The following OPRM1 variants were observed in gnomAD, a reference collection of about 807,000 sequenced individuals.
OPRM1 encodes opioid receptor mu 1.
A neutral mutation model predicts 31.8 loss-of-function variants in OPRM1; 27 were observed. The observed-to-expected ratio is 0.85, with a 90% CI of 0.63 to 1.17. The LOEUF is 1.17. OPRM1 is among the 50% of genes most tolerant of loss of function. The pLI, the probability that OPRM1 is intolerant of heterozygous loss-of-function variation, is 0.00. For missense variants in OPRM1, 536 were observed against 511.1 expected, an observed-to-expected ratio of 1.05 and a Z score of -0.47; for synonymous variants, 196 against 189.9, an observed-to-expected ratio of 1.03 and a Z score of -0.26.
chr6:154,046,292 A>G (rs1781099064), intron 1 of OPRM1, among the ~76,000 whole-genome samples: 1 of 152,116 alleles, frequency 6.6e-6, no homozygotes, highest in Non-Finnish European at 1.5e-5. Flanking sequence ...TTTTTTGGGT[A>G]GGTTTGGCTG....
Position 154,126,828 on chromosome 6 carries a change from C to G in OPRM1, c.*8107C>G, listed in dbSNP as rs1345494652. ...CTTACTTTCCCCAAATAAAAAAGTG[C>G]CTGCTGGGCGCGGTGGCTCACGCCT... On this transcript the variant is annotated 3_prime_UTR_variant, in exon 4 of 4. Coordinates refer to ENST00000330432, the MANE Select transcript of OPRM1 (RefSeq NM_000914.5). 6.6e-6 allele frequency among the ~76,000 whole-genome samples: 1 copy of G among 152,098 alleles called. No individual in the cohort carries two copies. Among genetic ancestry groups the G allele is most frequent in the African/African-American group, 2.4e-5 (1 of 41,424 alleles).
chr6:154,160,707 A>C (rs1376010566), intron 3 of OPRM1, among the ~76,000 whole-genome samples: 2 of 152,192 alleles, frequency 1.3e-5, no homozygotes, highest in African/African-American at 4.8e-5. Context: ...TTCTATAGAC[A>C]AGGAATGGAG....
In OPRM1 at chr6:154,039,502, C is replaced by A; in HGVS notation, c.-43C>A. 6.3e-7 allele frequency: 1 copy of A among 1,577,688 alleles called. No homozygotes were observed. The highest frequency in any genetic ancestry group is 8.6e-7 in the Non-Finnish European group (1 of 1,161,520). On this transcript the variant is annotated 5_prime_UTR_variant, in exon 1 of 4. Transcript: ENST00000330432. Reference sequence around the variant, plus strand: ...TTGGAACCCGAAAAGTCTCGGTGCTCCTGGCTACCTCGCACAGCGGTGCCC... The same window carrying A: ...TTGGAACCCGAAAAGTCTCGGTGCTACTGGCTACCTCGCACAGCGGTGCCC...
At chr6:154,191,977 A>C (rs1408612862) in intron 3 of OPRM1, among the ~76,000 whole-genome samples, 2 of 152,186 alleles carry the variant, frequency 1.3e-5, no homozygotes, top group African/African-American at 2.4e-5. Context: ...CTGAAAAAAA[A>C]AGTGTTCACC....
rs896799048 is a variant in OPRM1, at chr6:154,127,173, G to A, written c.*8452G>A. 1.3e-5 allele frequency among the ~76,000 whole-genome samples: 2 copies of A among 150,808 alleles called. No individual in the cohort carries two copies. The highest frequency in any genetic ancestry group is 1.3e-4 in the Admixed American group (2 of 15,174). On this transcript the variant is annotated 3_prime_UTR_variant, in exon 4 of 4. Transcript: ENST00000330432. Reference sequence around the variant, plus strand: ...AGTTTCCTTCACACAACACAGCCTTGAGATGCAGTATTAAATTCTACACTT... The same window carrying A: ...AGTTTCCTTCACACAACACAGCCTTAAGATGCAGTATTAAATTCTACACTT...
At chr6:154,150,755 C>A (rs1420876177) in intron 3 of OPRM1, among the ~76,000 whole-genome samples, 2 of 152,240 alleles carry the variant, frequency 1.3e-5, no homozygotes, top group African/African-American at 2.4e-5. Flanking sequence ...TGAAGACTGG[C>A]CAAGGCCAAG....
At chr6:154,102,762 C>T (rs571598386) in intron 3 of OPRM1, among the ~76,000 whole-genome samples, 1 of 152,010 alleles carries the variant, frequency 6.6e-6, no homozygotes, top group South Asian at 2.1e-4. Context: ...TAATTTTGTT[C>T]AATAGCTGGA....
At chr6:154,229,733 A>G (rs754134360) in intron 3 of OPRM1, among the ~76,000 whole-genome samples, 1 of 152,232 alleles carries the variant, frequency 6.6e-6, no homozygotes, top group Non-Finnish European at 1.5e-5. Context: ...TCTACCCAAG[A>G]GGAATGGATG....
intron 3 of OPRM1, among the ~76,000 whole-genome samples, chr6:154,232,846 A>G (rs533358879): frequency 6.6e-6 from 1 of 152,336 alleles, no homozygotes; most frequent in South Asian, 2.1e-4. Context: ...AATTTGTTAA[A>G]GCTATAAAGA....
intron 3 of OPRM1, among the ~76,000 whole-genome samples, chr6:154,109,814 G>C (rs1252064316): frequency 2.0e-5 from 3 of 151,502 alleles, no homozygotes; most frequent in East Asian, 3.9e-4. Context: ...GTGTGTGTGT[G>C]TGTGTGTGTG....
At chr6:154,083,899 G>A (rs1360448656) in intron 1 of OPRM1, among the ~76,000 whole-genome samples, 12 of 141,046 alleles carry the variant, frequency 8.5e-5, no homozygotes, top group Non-Finnish European at 1.6e-4. Flanking sequence ...AGCCGAGATC[G>A]CGCCACTGCA....
At chr6:154,173,422 A>G (rs760718865) in intron 3 of OPRM1, among the ~76,000 whole-genome samples, 1 of 150,036 alleles carries the variant, frequency 6.7e-6, no homozygotes, top group African/African-American at 2.5e-5. Flanking sequence ...AAAAACCTTG[A>G]AAAAAAGATT....
chr6:154,031,984 A>G (rs1362789540), intron 1 of OPRM1, among the ~76,000 whole-genome samples: 1 of 152,182 alleles, frequency 6.6e-6, no homozygotes, highest in Non-Finnish European at 1.5e-5. Flanking sequence ...GGAGCCAACA[A>G]GCATGATCAG....
intron 3 of OPRM1, among the ~76,000 whole-genome samples, chr6:154,201,939 G>T (rs1777104402): frequency 6.6e-6 from 1 of 152,150 alleles, no homozygotes; most frequent in Admixed American, 6.6e-5. Context: ...TGTCAGGAAG[G>T]TTGACAGAGA....
In OPRM1 at chr6:154,039,679, C is replaced by A. The variant is rs199980523; in HGVS notation, c.135C>A (p.Cys45Ter). The A allele has an allele frequency of 8.7e-6, 14 of 1,613,806 alleles. No homozygotes were observed. In the African/African-American group the frequency reaches 1.7e-4, roughly 20 times the overall value. The change falls in exon 1 of 4, where the codon TGC becomes TGA. Residue 45 changes from cysteine (C) to a stop codon, truncating the protein, a stop_gained. Transcript: ENST00000330432. LOFTEE classifies it high-confidence loss of function. ...TAGATGGCAACCTGTCCGACCCATGCGGTCCGAACCGCACCGACCTGGGCG... is the reference window on the plus strand; with the variant it reads ...TAGATGGCAACCTGTCCGACCCATGAGGTCCGAACCGCACCGACCTGGGCG... ...SHLDGNLSDP[C>*]GPNRTDLGGR...
intron 3 of OPRM1, chr6:154,110,565 A>G (rs898093625): frequency 6.7e-6 from 4 of 599,642 alleles, no homozygotes; most frequent in Non-Finnish European, 1.2e-5. Flanking sequence ...CACAAGCAGG[A>G]GTTTCCGAGC....
upstream of OPRM1, chr6:154,039,231 T>C (rs1368045511): frequency 6.4e-7 from 1 of 1,551,648 alleles, no homozygotes; most frequent in Non-Finnish European, 8.7e-7. Context: ...AATCCACCCC[T>C]TTTCCCTCCT....
intron 1 of OPRM1, among the ~76,000 whole-genome samples, chr6:154,018,752 T>C (rs1415458559): frequency 6.6e-6 from 1 of 152,206 alleles, no homozygotes; most frequent in Non-Finnish European, 1.5e-5. Context: ...GCATGGTTTA[T>C]ACGGAAAAAC....
rs542691100 is a variant in OPRM1, at chr6:154,067,133, G to A, written c.291-22693G>A. 5.3e-5 allele frequency among the ~76,000 whole-genome samples: 8 copies of A among 150,312 alleles called. No individual in the cohort carries two copies. In the South Asian group the frequency reaches 6.2e-4, roughly 12 times the overall value. ...TTTTGGAAAACCAATTTTTGTCTTC[G>A]TTCACTTTCTCTATTTTTTTTTAGT... On this transcript the variant is annotated intron_variant, in intron 1 of 3. Coordinates refer to ENST00000330432, the MANE Select transcript of OPRM1 (RefSeq NM_000914.5).
Sources: gnomAD v4.1 joint callset for allele counts (sites outside exome capture counted in the v4.1 genomes callset) on GRCh38, gnomAD v4.1.1 for gene constraint, MANE v1.5 for transcripts, NCBI Gene and HGNC (gene_info 2026-07-23, HGNC 2026-07-21) for gene names.